BEND7: variants seen among roughly 807,000 people sequenced by gnomAD.
BEND7 encodes BEN domain containing 7.
A neutral mutation model predicts 50.9 loss-of-function variants in BEND7; 28 were observed. The observed-to-expected ratio is 0.55, with a 90% CI of 0.41 to 0.75. BEND7 has a LOEUF of 0.75. Ranked by LOEUF, BEND7 falls within the 30% of genes least tolerant of loss-of-function variation. The pLI is 0.00. For missense variants in BEND7, 477 were observed against 491.3 expected (o/e 0.97, Z 0.28); for synonymous variants, 170 against 183.9 (o/e 0.92, Z 0.61).
At chr10:13,516,447 T>G (rs1243317802) in intron 2 of BEND7, among the ~76,000 whole-genome samples, 1 of 152,156 alleles carries the variant, frequency 6.6e-6, no homozygotes, top group Non-Finnish European at 1.5e-5. Flanking sequence ...GAAAACAGGC[T>G]GGGCGCGGTG....
intron 7 of BEND7, 142 bp downstream of exon 7, chr10:13,452,397 A>G (rs76697140): frequency 2.4e-6 from 1 of 423,186 alleles, no homozygotes; most frequent in Non-Finnish European, 3.3e-6. Context: ...ATAAGACTTT[A>G]AGAGAGCAAA....
At position 13,480,699 on chromosome 10, in the gene BEND7, C is replaced by G. The variant is rs2075794324; in HGVS notation, c.1063+200G>C. The G allele has an allele frequency of 4.1e-6, 4 of 985,144 alleles. No homozygotes were observed. The Admixed American group carries it at 2.5e-4, about 61-fold the overall frequency. 61.0% of individuals were successfully genotyped at this position (985,144 alleles called of 1,614,324 possible). On this transcript the variant is annotated intron_variant, in intron 6 of 8. Transcript: ENST00000466271. ...TTAAATTATTATTTCAACAAATTAA[C>G]ATTACCTTGAATAATGAATTCTAGT...
chr10:13,488,700 GA>G (rs548415413), intron 5 of BEND7, among the ~76,000 whole-genome samples: 7,059 of 152,184 alleles, frequency 0.046, 512 homozygotes, highest in African/African-American at 0.16. Flanking sequence ...TGTTGGCCAG[GA>G]CTGTCTCAAT....
chr10:13,491,650 G>T (rs1028338258), intron 5 of BEND7, among the ~76,000 whole-genome samples: 6 of 150,494 alleles, frequency 4.0e-5, no homozygotes, highest in African/African-American at 1.5e-4. Flanking sequence ...ACAAGATGAT[G>T]ATTTTTGTCC....
At chr10:13,455,723 T>C (rs957517891) in intron 6 of BEND7, among the ~76,000 whole-genome samples, 3 of 152,128 alleles carry the variant, frequency 2.0e-5, no homozygotes, top group African/African-American at 7.2e-5. Context: ...GGAAATGTCC[T>C]CTTCTGAACC....
intron 6 of BEND7, among the ~76,000 whole-genome samples, chr10:13,454,439 T>C (rs554757317): frequency 1.3e-5 from 1 of 74,710 alleles, no homozygotes; most frequent in South Asian, 5.4e-4. Flanking sequence ...AGACCCTGTC[T>C]CAATCAATCA....
chr10:13,526,571 C>T (rs2079470565), intron 1 of BEND7, among the ~76,000 whole-genome samples: 1 of 152,148 alleles, frequency 6.6e-6, no homozygotes, highest in South Asian at 2.1e-4. Context: ...CCAAATTTCT[C>T]TTCACAACCC....
intron 6 of BEND7, among the ~76,000 whole-genome samples, chr10:13,455,915 CACAG>C (rs1160025192): frequency 6.6e-6 from 1 of 152,110 alleles, no homozygotes; most frequent in Non-Finnish European, 1.5e-5. Flanking sequence ...GCTGCCACGC[CACAG>C]ACAGGCTACG....
chr10:13,517,509 G>A (rs147187923), intron 2 of BEND7, among the ~76,000 whole-genome samples: 437 of 152,222 alleles, frequency 2.9e-3, no homozygotes, highest in Admixed American at 6.5e-3. Context: ...TCCCAGCACT[G>A]TGGGAGGCCA....
At position 13,505,341 on chromosome 10, in the gene BEND7, G is replaced by T. The variant is rs541362661; in HGVS notation, c.146-5261C>A. 3.5e-4 allele frequency among the ~76,000 whole-genome samples: 53 copies of T among 152,302 alleles called. 1 individual carries two copies. The South Asian group carries it at 0.011, about 30-fold the overall frequency. On this transcript the variant is annotated intron_variant, in intron 2 of 8. Transcript: ENST00000466271. ...GATATGCCACAGTAACTCCCTCTCA[G>T]TCGCTGAGTGACCTCCTGCAACCCC...
At chr10:13,498,071 C>CTTTTTTTT (rs67255529) in intron 3 of BEND7, among the ~76,000 whole-genome samples, 31 of 109,868 alleles carry the variant, frequency 2.8e-4, no homozygotes, top group African/African-American at 6.5e-4. Context: ...ATTTCTTTTT[C>CTTTTTTTT]TTTTTTTTTT....
intron 4 of BEND7, among the ~76,000 whole-genome samples, chr10:13,496,162 ATGAATTCT>A (rs1165473914): frequency 6.6e-6 from 1 of 152,242 alleles, no homozygotes; most frequent in East Asian, 1.9e-4. Flanking sequence ...TGAGTTAGAT[ATGAATTCT>A]CCATTTACAG....
At chr10:13,452,426 T>C in intron 7 of BEND7, 113 bp downstream of exon 7, 1 of 1,157,478 alleles carries the variant, frequency 8.6e-7, no homozygotes, top group South Asian at 1.9e-5. Flanking sequence ...TTATAAACAG[T>C]CTCTCCTTCA....
intron 6 of BEND7, among the ~76,000 whole-genome samples, chr10:13,471,909 G>A (rs370319035): frequency 6.6e-6 from 1 of 152,154 alleles, no homozygotes; most frequent in Non-Finnish European, 1.5e-5. Context: ...ACTTGAGGCC[G>A]ATACCCGTCA....
intron 4 of BEND7, among the ~76,000 whole-genome samples, chr10:13,495,209 T>G (rs1169149473): frequency 6.6e-6 from 1 of 152,200 alleles, no homozygotes; most frequent in Admixed American, 6.5e-5. Flanking sequence ...AATCCGAACA[T>G]CATAAAGTAA....
chr10:13,487,802 A>G (rs981366809), intron 5 of BEND7, among the ~76,000 whole-genome samples: 1 of 152,124 alleles, frequency 6.6e-6, no homozygotes, highest in African/African-American at 2.4e-5. Flanking sequence ...TTAAGAAAAC[A>G]GATTTCAAGG....
intron 6 of BEND7, among the ~76,000 whole-genome samples, chr10:13,461,367 C>A (rs1840161824): frequency 6.6e-6 from 1 of 152,180 alleles, no homozygotes; most frequent in Admixed American, 6.5e-5. Context: ...CAAGGGTCTA[C>A]CCCCGAGTAC....
downstream of BEND7, chr10:13,438,738 G>A (rs1835027841): frequency 6.2e-6 from 1 of 161,732 alleles, no homozygotes; most frequent in South Asian, 1.9e-4. Context: ...GAGCACTGAG[G>A]GGGCGGTATT....
chr10:13,499,797 G>A lies in BEND7; in HGVS notation c.429C>T (p.His143=), dbSNP rs1275899769. 5 of 1,607,814 alleles carry A rather than the reference G, an allele frequency of 3.1e-6. No homozygotes were observed. In the South Asian group the frequency reaches 5.5e-5, roughly 18 times the overall value. The part of the protein sequence containing the change: ...TRSRTFQSQP[H]PTTSSNGELP... The stretch of plus-strand genomic sequence containing the variant: ...CCATACCATTGGAGCTCGTGGTAGG[G>A]TGGGGCTGGCTTTGGAAGGTTCTAG... The change falls in exon 3 of 9, where the codon CAC becomes CAT. Residue 143 remains histidine, a synonymous_variant. Transcript: ENST00000466271.
Sources: allele counts gnomAD v4.1 joint callset (sites outside exome capture counted in the v4.1 genomes callset), GRCh38; gene constraint gnomAD v4.1.1; transcripts MANE v1.5; gene names NCBI Gene and HGNC (gene_info 2026-07-23, HGNC 2026-07-21).